The following HTATIP2 variants were observed in gnomAD, a reference collection of about 807,000 sequenced individuals.
HTATIP2 encodes protein HTATIP2.
Under a neutral mutation model 24.7 loss-of-function variants are expected in HTATIP2, and 26 were observed. That is an observed-to-expected ratio of 1.05 (90% confidence interval 0.77 to 1.46). The LOEUF is 1.46. HTATIP2 is among the 40% of genes most tolerant of loss of function. The probability of loss-of-function intolerance (pLI) is 0.00; values close to 1 mark genes in which losing one functional copy is unlikely to be tolerated. For synonymous variants in HTATIP2, 99 were observed against 113.2 expected (o/e 0.87, Z 0.79); for missense variants, 284 against 289.6 (o/e 0.98, Z 0.14).
At chr11:20,367,116 G>C in intron 1 of HTATIP2, 58 bp from the exon 2 acceptor site, 1 of 1,589,854 alleles carries the variant, frequency 6.3e-7, no homozygotes, top group Non-Finnish European at 8.6e-7. Context: ...ATCTAGAGGG[G>C]GTTTTTGGTC....
chr11:20,373,011 T>C (rs1452236315), intron 2 of HTATIP2, among the ~76,000 whole-genome samples: 1 of 152,174 alleles, frequency 6.6e-6, no homozygotes, highest in Non-Finnish European at 1.5e-5. Context: ...TTTAGTGGGC[T>C]TGGAAAAACG....
At position 20,364,328 on chromosome 11, in the gene HTATIP2, G is replaced by C. The variant is rs527767104; in HGVS notation, c.91G>C (p.Gly31Arg). 8.7e-6 allele frequency: 14 copies of C among 1,613,748 alleles called. No homozygotes were observed. The East Asian group carries it at 2.0e-4, about 23-fold the overall frequency. ...VFILGASGETGRVLLKEILEQ... is the reference protein window; with the variant it reads ...VFILGASGETRRVLLKEILEQ... ...TATTTTGGGCGCCAGCGGAGAAACCGGCAGAGTGCTCTTAAAGGAAATCCT... is the reference window on the plus strand; with the variant it reads ...TATTTTGGGCGCCAGCGGAGAAACCCGCAGAGTGCTCTTAAAGGAAATCCT... The change falls in exon 1 of 5, where the codon GGC becomes CGC. Residue 31 changes from glycine to arginine, a missense_variant. Coordinates refer to ENST00000451739, the MANE Select transcript of HTATIP2 (RefSeq NM_001098522.2).
intron 1 of HTATIP2, among the ~76,000 whole-genome samples, chr11:20,366,880 T>A (rs571504927): frequency 6.6e-6 from 1 of 152,216 alleles, no homozygotes; most frequent in African/African-American, 2.4e-5. Flanking sequence ...GTCTCCTTCC[T>A]GGTTAGCTAC....
intron 1 of HTATIP2, 22 bp downstream of exon 1, chr11:20,364,454 CA>C (rs1565180523): frequency 6.4e-7 from 1 of 1,569,222 alleles, no homozygotes; most frequent in South Asian, 1.1e-5. Flanking sequence ...AGCTGGGACT[CA>C]AATGGACCCC....
intron 2 of HTATIP2, among the ~76,000 whole-genome samples, chr11:20,374,569 G>T (rs906370502): frequency 2.6e-5 from 4 of 152,144 alleles, no homozygotes; most frequent in Admixed American, 2.6e-4. Context: ...GCCCTTCTTA[G>T]GTTGCATTAC....
intron 2 of HTATIP2, 92 bp downstream of exon 2, chr11:20,367,373 A>G (rs752931608): frequency 1.3e-6 from 2 of 1,597,206 alleles, no homozygotes; most frequent in South Asian, 1.1e-5. Flanking sequence ...GCCTGTTGCA[A>G]TGCTTAAATG....
chr11:20,383,046 C>G lies in HTATIP2; in HGVS notation c.570C>G (p.Ser190=). 1 of 1,613,368 alleles carries G rather than the reference C, an allele frequency of 6.2e-7. No individual in the cohort carries two copies. The highest frequency in any genetic ancestry group is 1.7e-4 in the Middle Eastern group (1 of 6,056). ...GGCTGGTTAGAAAGTTCTTTGGCTCCTTACCAGACTCTTGGGCCAGTGGGC... is the reference window on the plus strand; with the variant it reads ...GGCTGGTTAGAAAGTTCTTTGGCTCGTTACCAGACTCTTGGGCCAGTGGGC... ...GEWLVRKFFG[S]LPDSWASGHS... is the part of the protein sequence containing the mutation. The change falls in exon 5 of 5, where the codon TCC becomes TCG. Residue 190 remains serine, a synonymous_variant. Coordinates refer to ENST00000451739, the MANE Select transcript of HTATIP2 (RefSeq NM_001098522.2).
chr11:20,366,972 T>C (rs949266013), intron 1 of HTATIP2, among the ~76,000 whole-genome samples: 4 of 152,214 alleles, frequency 2.6e-5, no homozygotes, highest in African/African-American at 9.6e-5. Context: ...TCCAGTTATA[T>C]AGACTGTGGA....
At chr11:20,369,492 T>C (rs539939870) in intron 2 of HTATIP2, among the ~76,000 whole-genome samples, 1 of 152,194 alleles carries the variant, frequency 6.6e-6, no homozygotes, top group African/African-American at 2.4e-5. Flanking sequence ...CCCAAGTAGC[T>C]TGAACAACAG....
At chr11:20,367,921 T>A (rs890734273) in intron 2 of HTATIP2, among the ~76,000 whole-genome samples, 12 of 152,122 alleles carry the variant, frequency 7.9e-5, no homozygotes, top group Admixed American at 7.9e-4. Context: ...GAAATCAGAG[T>A]TTACTACCTG....
intron 2 of HTATIP2, 152 bp downstream of exon 2, chr11:20,367,433 T>C (rs2064723502): frequency 6.5e-7 from 1 of 1,532,886 alleles, no homozygotes; most frequent in Non-Finnish European, 8.8e-7. Context: ...TAACCTTTGG[T>C]ATCCTTTTAA....
At chr11:20,367,393 CT>C (rs1314048006) in intron 2 of HTATIP2, 112 bp downstream of exon 2, 11 of 1,579,460 alleles carry the variant, frequency 7.0e-6, no homozygotes, top group South Asian at 1.2e-5. Flanking sequence ...GTGAATAAGC[CT>C]TTATTGTTTA....
chr11:20,371,613 T>C (rs543823469), intron 2 of HTATIP2, among the ~76,000 whole-genome samples: 42 of 151,886 alleles, frequency 2.8e-4, no homozygotes, highest in African/African-American at 9.9e-4. Flanking sequence ...TGTATTTTTT[T>C]TTGTAGAGAC....
chr11:20,376,669 C>G lies in HTATIP2; in HGVS notation c.393C>G (p.Ser131=), dbSNP rs1848451827. Residue 131 remains serine (S), a synonymous_variant, in exon 3 of 5, where the codon TCC becomes TCG. Coordinates refer to ENST00000451739, the MANE Select transcript of HTATIP2 (RefSeq NM_001098522.2). ...AGGCKHFNLL[S]SKGADKSSNF... is the part of the protein sequence containing the mutation. ...GGTGCAAACATTTCAACTTGCTATC[C>G]TCTAAAGGAGCTGATAAATCAAGCA... 5 of 1,612,982 alleles carry G rather than the reference C, an allele frequency of 3.1e-6. No homozygotes were observed. The highest frequency in any genetic ancestry group is 1.3e-5 in the African/African-American group (1 of 74,958).
At chr11:20,373,999 G>A (rs1190457629) in intron 2 of HTATIP2, among the ~76,000 whole-genome samples, 2 of 152,218 alleles carry the variant, frequency 1.3e-5, no homozygotes, top group East Asian at 1.9e-4. Context: ...AGGAGATGGT[G>A]ATGACTCGTG....
At chr11:20,375,293 C>T (rs35338514) in intron 2 of HTATIP2, among the ~76,000 whole-genome samples, 3,767 of 152,070 alleles carry the variant, frequency 0.025, 144 homozygotes, top group African/African-American at 0.085. Flanking sequence ...AAAATCAGGC[C>T]GGGCGCGGTG....
Position 20,382,161 on chromosome 11 carries a change from G to A in HTATIP2, c.442-17G>A, listed in dbSNP as rs144777872. The A allele has an allele frequency of 4.5e-5, 68 of 1,500,688 alleles. No individual in the cohort carries two copies. In the African/African-American group the frequency reaches 8.2e-4, roughly 18 times the overall value. The allele number at this position is 1,500,688 out of a possible 1,614,324, so 93.0% of individuals were successfully genotyped here. On this transcript the variant is annotated splice_polypyrimidine_tract_variant and intron_variant, in intron 3 of 4. Coordinates refer to ENST00000451739, the MANE Select transcript of HTATIP2 (RefSeq NM_001098522.2). ...CTGGTCGCGATTAAATACTGAAAAT[G>A]TGTTTTTTCTTAATAGGGAGAAGTA... is the stretch of plus-strand genomic sequence containing the variant.
intron 3 of HTATIP2, among the ~76,000 whole-genome samples, chr11:20,381,031 G>A (rs1283452914): frequency 6.6e-6 from 1 of 152,138 alleles, no homozygotes; most frequent in African/African-American, 2.4e-5. Context: ...GGTAGGGTAC[G>A]AGGAGTGACT....
chr11:20,364,520 C>T, intron 1 of HTATIP2, 88 bp downstream of exon 1: 1 of 1,182,214 alleles, frequency 8.5e-7, no homozygotes, highest in South Asian at 1.5e-5. Context: ...ACTGCCCTGC[C>T]AGTGGTGGGG....
Sources: allele counts gnomAD v4.1 joint callset (sites outside exome capture counted in the v4.1 genomes callset), GRCh38; gene constraint gnomAD v4.1.1; transcripts MANE v1.5; gene names NCBI Gene and HGNC (gene_info 2026-07-23, HGNC 2026-07-21).